The following FGF14 variants were observed in gnomAD, a reference collection of about 807,000 sequenced individuals.
The protein encoded by FGF14 is fibroblast growth factor homologous factor 4.
Under a neutral mutation model 25.5 loss-of-function variants are expected in FGF14, and 5 were observed. The observed-to-expected ratio is 0.20, with a 90% CI of 0.10 to 0.41. The LOEUF (loss-of-function observed/expected upper bound fraction) is 0.41. Ranked by LOEUF, FGF14 falls within the 10% of genes least tolerant of loss-of-function variation. The probability of loss-of-function intolerance (pLI) is 1.00; values close to 1 mark genes in which losing one functional copy is unlikely to be tolerated. For synonymous variants in FGF14, 138 were observed against 118.3 expected, an observed-to-expected ratio of 1.17 and a Z score of -1.08; for missense variants, 222 against 320.1, an observed-to-expected ratio of 0.69 and a Z score of 2.34.
intron 3 of FGF14, among the ~76,000 whole-genome samples, chr13:101,827,515 T>A (rs186237543): frequency 1.1e-4 from 16 of 152,018 alleles, no homozygotes; most frequent in African/African-American, 3.9e-4. Context: ...TTATAAATGC[T>A]TTTTATACTT....
intron 1 of FGF14, among the ~76,000 whole-genome samples, chr13:102,142,467 G>C (rs576200178): frequency 6.6e-6 from 1 of 152,116 alleles, no homozygotes; most frequent in Admixed American, 6.6e-5. Flanking sequence ...TGTCACCCTG[G>C]ATGTCTGACA....
At position 101,718,775 on chromosome 13, in the gene FGF14, A is replaced by G. The variant is rs1165543943; in HGVS notation, c.*4056T>C. On this transcript the variant is annotated 3_prime_UTR_variant, in exon 5 of 5. Transcript: ENST00000376143. ...AGACATTGGAATTAGACTTAGTGAA[A>G]ACCAGGAAAAAAAAAAAAAACTAAA... 1 of 150,756 alleles carries G rather than the reference A, an allele frequency of 6.6e-6. No individual in the cohort carries two copies. Among genetic ancestry groups the G allele is most frequent in the Non-Finnish European group, 1.5e-5 (1 of 67,740 alleles). The allele number at this position is 150,756 out of a possible 1,614,324, so 9.3% of individuals were successfully genotyped here. A position where few individuals can be genotyped will look rare whatever the true frequency, so the allele number is the denominator to read the frequency against.
intron 1 of FGF14, among the ~76,000 whole-genome samples, chr13:102,015,242 T>G (rs2040278347): frequency 6.6e-6 from 1 of 152,218 alleles, no homozygotes; most frequent in South Asian, 2.1e-4. Flanking sequence ...GCAGAATTTA[T>G]ACTTTGTTTA....
chr13:102,375,060 T>C (rs2058006282), intron 1 of FGF14, among the ~76,000 whole-genome samples: 1 of 152,102 alleles, frequency 6.6e-6, no homozygotes, highest in Admixed American at 6.6e-5. Context: ...CAGAGTAATG[T>C]AACACAACTA....
intron 1 of FGF14, among the ~76,000 whole-genome samples, chr13:102,363,896 G>C (rs564046362): frequency 1.3e-5 from 2 of 152,080 alleles, no homozygotes; most frequent in African/African-American, 2.4e-5. Flanking sequence ...TGCAGGATCC[G>C]GTCAAGCATC....
At chr13:101,820,253 AC>A (rs1490451051) in intron 3 of FGF14, among the ~76,000 whole-genome samples, 2 of 152,012 alleles carry the variant, frequency 1.3e-5, no homozygotes, top group African/African-American at 4.8e-5. Flanking sequence ...AGAAAAAAAA[AC>A]AGTTTTTCAG....
At chr13:101,744,560 G>A (rs773664631) in intron 3 of FGF14, among the ~76,000 whole-genome samples, 1 of 152,002 alleles carries the variant, frequency 6.6e-6, no homozygotes, top group African/African-American at 2.4e-5. Context: ...TAATAAACAC[G>A]TATTAAATGA....
At chr13:102,037,568 T>C (rs1340946205) in intron 1 of FGF14, among the ~76,000 whole-genome samples, 2 of 152,148 alleles carry the variant, frequency 1.3e-5, no homozygotes, top group African/African-American at 2.4e-5. Flanking sequence ...CTCCTGCCAA[T>C]AGGAGGAAAT....
intron 3 of FGF14, among the ~76,000 whole-genome samples, chr13:101,777,912 C>T (rs1353269679): frequency 6.6e-6 from 1 of 151,940 alleles, no homozygotes; most frequent in Non-Finnish European, 1.5e-5. Context: ...TGCAGTGAGC[C>T]GAGATCGCAC....
chr13:101,770,702 A>G (rs1339123457), intron 3 of FGF14, among the ~76,000 whole-genome samples: 1 of 152,148 alleles, frequency 6.6e-6, no homozygotes, highest in African/African-American at 2.4e-5. Context: ...TACAAAAGCT[A>G]AAATGGGTTA....
chr13:102,100,522 A>G (rs2044611627), intron 1 of FGF14, among the ~76,000 whole-genome samples: 1 of 152,220 alleles, frequency 6.6e-6, no homozygotes, highest in African/African-American at 2.4e-5. Flanking sequence ...GCTTGTCAGT[A>G]GTAACAGTGA....
At chr13:101,775,832 C>T (rs1414471996) in intron 3 of FGF14, among the ~76,000 whole-genome samples, 1 of 152,084 alleles carries the variant, frequency 6.6e-6, no homozygotes, top group African/African-American at 2.4e-5. Context: ...AACATCTTTA[C>T]CTTGTAAAAT....
chr13:102,026,436 A>T (rs1383997681), intron 1 of FGF14, among the ~76,000 whole-genome samples: 1 of 151,908 alleles, frequency 6.6e-6, no homozygotes, highest in Non-Finnish European at 1.5e-5. Context: ...ATATTAGAAT[A>T]TTAACTTCAT....
At chr13:102,351,302 T>A (rs886359824) in intron 1 of FGF14, among the ~76,000 whole-genome samples, 1 of 151,942 alleles carries the variant, frequency 6.6e-6, no homozygotes, top group African/African-American at 2.4e-5. Context: ...AAAAAAACGA[T>A]CTTCTTCCTC....
At chr13:102,141,097 C>T (rs1251151753) in intron 1 of FGF14, among the ~76,000 whole-genome samples, 1 of 152,194 alleles carries the variant, frequency 6.6e-6, no homozygotes, top group Non-Finnish European at 1.5e-5. Flanking sequence ...TGTAGGGCTT[C>T]CTCTACTAGA....
At chr13:102,115,814 TAAA>T (rs1193136889) in intron 1 of FGF14, among the ~76,000 whole-genome samples, 1 of 151,622 alleles carries the variant, frequency 6.6e-6, no homozygotes, top group Admixed American at 6.6e-5. Flanking sequence ...GAACCAAAAA[TAAA>T]GTAGAAAAAA....
chr13:102,216,373 T>C (rs1264984895), intron 1 of FGF14, among the ~76,000 whole-genome samples: 6 of 152,224 alleles, frequency 3.9e-5, no homozygotes, highest in African/African-American at 1.4e-4. Context: ...CAATCATTTA[T>C]TCACAGCAGG....
chr13:102,221,227 CAA>C lies in FGF14; in HGVS notation c.208+180242_208+180243del, dbSNP rs2050597001. 5.3e-5 allele frequency among the ~76,000 whole-genome samples: 8 copies of C among 152,114 alleles called. No homozygotes were observed. In the South Asian group the frequency reaches 1.7e-3, roughly 32 times the overall value. On this transcript the variant is annotated intron_variant, in intron 1 of 4. Coordinates refer to the FGF14 transcript ENST00000376131. ...ACTGCATTATGGAGACAACTCTTAT[CAA>C]AAGAGAACTAAATTTGGGGATTAAG...
intron 1 of FGF14, among the ~76,000 whole-genome samples, chr13:102,065,247 TGTAA>T (rs1280082646): frequency 6.6e-6 from 1 of 152,122 alleles, no homozygotes. Context: ...TATATATTAC[TGTAA>T]GTGTTTATAA....
Sources: allele counts gnomAD v4.1 joint callset (sites outside exome capture counted in the v4.1 genomes callset), GRCh38; gene constraint gnomAD v4.1.1; transcripts MANE v1.5; gene names NCBI Gene and HGNC (gene_info 2026-07-23, HGNC 2026-07-21).